ZNF875: variants seen among roughly 807,000 people sequenced by gnomAD.
The protein encoded by ZNF875 is zinc finger protein 875.
Under a neutral mutation model 11.2 loss-of-function variants are expected in ZNF875, and 14 were observed. The observed-to-expected ratio is 1.26, with a 90% CI of 0.83 to 1.96. The LOEUF is 1.96. ZNF875 is among the 30% of genes most tolerant of loss of function. The pLI is 0.00. For synonymous variants in ZNF875, 301 were observed against 281.1 expected, an observed-to-expected ratio of 1.07 and a Z score of -0.71; for missense variants, 752 against 760.4, an observed-to-expected ratio of 0.99 and a Z score of 0.13.
At chr19:37,354,702 A>G (rs1323990282) in intron 4 of ZNF875, among the ~76,000 whole-genome samples, 1 of 152,062 alleles carries the variant, frequency 6.6e-6, no homozygotes, top group Non-Finnish European at 1.5e-5. Flanking sequence ...GGCCTTTAAG[A>G]GGTGTTTGGT....
chr19:37,313,211 C>G (rs370812007), upstream of ZNF875: 151 of 140,512 alleles, frequency 1.1e-3, no homozygotes, highest in African/African-American at 4.1e-3. Context: ...CCCCGCCCCC[C>G]GCGAAACAAC....
Position 37,363,570 on chromosome 19 carries a change from TA to T in ZNF875, c.1720del (p.Thr574LeufsTer103). 1 of 1,609,078 alleles carries T rather than the reference TA, an allele frequency of 6.2e-7. No individual in the cohort carries two copies. Among genetic ancestry groups the T allele is most frequent in the South Asian group, 1.1e-5 (1 of 90,766 alleles). On this transcript the variant is annotated frameshift_variant, in exon 5 of 5. Transcript: ENST00000392153. LOFTEE classifies it low-confidence loss of function (END_TRUNC). ...RECGQGFCAK[L>X]TLIKHQRAHA... is the part of the protein sequence containing the mutation. ...TGTGGGCAAGGCTTTTGTGCTAAGT[TA>T]ACTCTCATTAAACACCAGAGAGCAC...
chr19:37,353,356 G>A (rs77968739), intron 4 of ZNF875, among the ~76,000 whole-genome samples: 2,784 of 152,248 alleles, frequency 0.018, 40 homozygotes, highest in Non-Finnish European at 0.031. Context: ...CATCTTCAGT[G>A]CTGTTGTCAT....
upstream of ZNF875, among the ~76,000 whole-genome samples, chr19:37,314,064 T>C (rs1313541002): frequency 6.6e-6 from 1 of 152,124 alleles, no homozygotes; most frequent in African/African-American, 2.4e-5. Flanking sequence ...AAGTCATTCA[T>C]TTATATCAAG....
chr19:37,348,591 A>T (rs2037276461), intron 4 of ZNF875, among the ~76,000 whole-genome samples: 1 of 152,220 alleles, frequency 6.6e-6, no homozygotes, highest in Non-Finnish European at 1.5e-5. Flanking sequence ...CTATGTTGGT[A>T]TATGTAGCTC....
chr19:37,335,525 G>T (rs2034176315), intron 2 of ZNF875, among the ~76,000 whole-genome samples: 1 of 152,228 alleles, frequency 6.6e-6, no homozygotes, highest in African/African-American at 2.4e-5. Context: ...TTGGAAGAAG[G>T]GGTCGGGGGC....
At chr19:37,346,735 C>T (rs1234821743) in intron 2 of ZNF875, 3 of 191,638 alleles carry the variant, frequency 1.6e-5, no homozygotes, top group Non-Finnish European at 3.3e-5. Context: ...GTAACAGGTG[C>T]ATAAATGATG....
intron 4 of ZNF875, among the ~76,000 whole-genome samples, chr19:37,350,799 C>CTTTTTTTTTTT (rs61142979): frequency 1.1e-5 from 1 of 91,266 alleles, no homozygotes; most frequent in African/African-American, 4.4e-5. Flanking sequence ...ATTCTTTTTG[C>CTTTTTTTTTTT]TTTTTTTTTT....
At chr19:37,343,190 A>G (rs968820330) in intron 2 of ZNF875, among the ~76,000 whole-genome samples, 1 of 151,936 alleles carries the variant, frequency 6.6e-6, no homozygotes, top group Non-Finnish European at 1.5e-5. Flanking sequence ...TACAAAAATT[A>G]GCCGGGTGTG....
At position 37,351,793 on chromosome 19, in the gene ZNF875, A is replaced by G. The variant is rs115878598; in HGVS notation, c.256+3921A>G. Among the ~76,000 whole-genome samples, 1,185 of 152,294 alleles carry G rather than the reference A, an allele frequency of 7.8e-3. 14 individuals carry two copies. Among genetic ancestry groups the G allele is most frequent in the African/African-American group, 0.014 (584 of 41,570 alleles). ...AGAGAATGTATTCTGTATATTTTCA[A>G]TCTTTCAAAGTCTGTTGAGATTAAT... On this transcript the variant is annotated intron_variant, in intron 4 of 4. Transcript: ENST00000392153.
chr19:37,343,591 A>G (rs1031802557), intron 2 of ZNF875, among the ~76,000 whole-genome samples: 1 of 152,028 alleles, frequency 6.6e-6, no homozygotes, highest in Non-Finnish European at 1.5e-5. Context: ...GTTCTTCTCC[A>G]TGTGGCCTCT....
intron 4 of ZNF875, among the ~76,000 whole-genome samples, chr19:37,325,762 C>T (rs1249189998): frequency 6.6e-6 from 1 of 151,972 alleles, no homozygotes; most frequent in African/African-American, 2.4e-5. Context: ...GGCTGGAGTG[C>T]AGTAGCACAA....
intron 4 of ZNF875, chr19:37,329,171 G>C (rs1455803578): frequency 6.6e-6 from 1 of 152,214 alleles, no homozygotes; most frequent in African/African-American, 2.4e-5. Context: ...TCTTCGCACA[G>C]GCCCCTGGAT....
rs1028100348 is a variant in ZNF875, at chr19:37,346,966, C to T, written c.34-224C>T. On this transcript the variant is annotated intron_variant, in intron 2 of 4. Coordinates refer to ENST00000392153, the MANE Select transcript of ZNF875 (RefSeq NM_001353803.2). ...GCAAGTAACTGGGATTACAGGCATGCGCCACCACACCTGACTAATTTTGTA... is the reference window on the plus strand; with the variant it reads ...GCAAGTAACTGGGATTACAGGCATGTGCCACCACACCTGACTAATTTTGTA... 16 of 456,674 alleles carry T rather than the reference C, an allele frequency of 3.5e-5. 1 individual carries two copies. The highest frequency in any genetic ancestry group is 1.8e-4 in the Admixed American group (5 of 27,996). The allele number at this position is 456,674 out of a possible 1,614,324, so 28.3% of individuals were successfully genotyped here.
At chr19:37,350,872 C>A (rs570333351) in intron 4 of ZNF875, among the ~76,000 whole-genome samples, 14 of 148,346 alleles carry the variant, frequency 9.4e-5, no homozygotes, top group African/African-American at 3.5e-4. Context: ...TGGTGCAATC[C>A]CAGCTCACTG....
intron 2 of ZNF875, among the ~76,000 whole-genome samples, chr19:37,336,247 ACT>A (rs921059302): frequency 7.0e-4 from 105 of 149,944 alleles, no homozygotes; most frequent in African/African-American, 2.6e-3. Flanking sequence ...CAGAGGCTGG[ACT>A]CTCAGTGTGG....
At chr19:37,360,863 T>C (rs1011636953) in intron 4 of ZNF875, among the ~76,000 whole-genome samples, 4 of 152,100 alleles carry the variant, frequency 2.6e-5, no homozygotes, top group African/African-American at 9.6e-5. Context: ...ATTATTTTTA[T>C]GCTATCGTGA....
At chr19:37,328,904 A>C (rs1371965855) in intron 4 of ZNF875, 4 of 152,112 alleles carry the variant, frequency 2.6e-5, no homozygotes, top group African/African-American at 9.7e-5. Context: ...TTCCTCCCCT[A>C]ATCTGATGTT....
intron 1 of ZNF875, 37 bp downstream of exon 1, chr19:37,334,819 G>A (rs545131093): frequency 2.8e-5 from 13 of 458,226 alleles, no homozygotes; most frequent in Non-Finnish European, 5.3e-5. Context: ...GCCCCTCTGC[G>A]TGTCCCTGTG....
Sources: allele counts gnomAD v4.1 joint callset (sites outside exome capture counted in the v4.1 genomes callset), GRCh38; gene constraint gnomAD v4.1.1; transcripts MANE v1.5; gene names NCBI Gene and HGNC (gene_info 2026-07-23, HGNC 2026-07-21).